The following CRX variants were observed in gnomAD, a reference collection of about 807,000 sequenced individuals.
The protein encoded by CRX is cone-rod homeobox protein.
A neutral mutation model predicts 13.1 loss-of-function variants in CRX; 5 were observed. That is an observed-to-expected ratio of 0.38 (90% CI 0.20 to 0.80). The LOEUF (loss-of-function observed/expected upper bound fraction) is 0.80. Among genes scored for constraint, CRX ranks in the 30% least tolerant of loss-of-function variants. The pLI, the probability that CRX is intolerant of heterozygous loss-of-function variation, is 0.43. For missense variants in CRX, 351 were observed against 391.8 expected, an observed-to-expected ratio of 0.90 and a Z score of 0.88; for synonymous variants, 179 against 171.1, an observed-to-expected ratio of 1.05 and a Z score of -0.36.
intron 1 of CRX, among the ~76,000 whole-genome samples, chr19:47,825,282 A>G (rs1272328416): frequency 6.6e-6 from 1 of 151,702 alleles, no homozygotes; most frequent in Non-Finnish European, 1.5e-5. Flanking sequence ...TTGTTTTGAG[A>G]GAGGATCTTG....
intron 1 of CRX, among the ~76,000 whole-genome samples, chr19:47,831,948 A>G (rs1968052104): frequency 6.6e-6 from 1 of 150,900 alleles, no homozygotes; most frequent in Admixed American, 6.6e-5. Flanking sequence ...CATGTTGGCC[A>G]GGCTGGTCTC....
chr19:47,825,106 T>C lies in CRX; in HGVS notation c.-36+3096T>C, dbSNP rs534538272. Among the ~76,000 whole-genome samples, 6 of 150,088 alleles carry C rather than the reference T, an allele frequency of 4.0e-5. No individual in the cohort carries two copies. The South Asian group carries it at 8.6e-4, about 22-fold the overall frequency. On this transcript the variant is annotated intron_variant, in intron 1 of 3. Transcript: ENST00000221996. The stretch of plus-strand genomic sequence containing the variant: ...CCCGAGTTCAAGAGATTTTTGTACC[T>C]CAGCCTCCCCAGAAGCTGGGACAAC...
rs762135206 is a variant in CRX, at chr19:47,838,726, TTAGA to T, written c.253-592_253-589del. On this transcript the variant is annotated intron_variant, in intron 3 of 3. Transcript: ENST00000221996. ...ATAATTGTATGTGTGCATGTTTGTA[TTAGA>T]TGGGTGGATGAATATGTGTATGATG... 2.2e-4 allele frequency among the ~76,000 whole-genome samples: 33 copies of T among 152,132 alleles called. No homozygotes were observed. In the South Asian group the frequency reaches 6.6e-3, roughly 31 times the overall value.
intron 2 of CRX, among the ~76,000 whole-genome samples, chr19:47,835,619 TG>T (rs1175552949): frequency 1.2e-4 from 14 of 119,720 alleles, no homozygotes; most frequent in Admixed American, 2.6e-4. Flanking sequence ...CTTTAGCTCT[TG>T]TTTTTTTTTT....
At chr19:47,825,203 C>T (rs1020124235) in intron 1 of CRX, among the ~76,000 whole-genome samples, 1 of 151,974 alleles carries the variant, frequency 6.6e-6, no homozygotes, top group Non-Finnish European at 1.5e-5. Context: ...GCCTTGAACT[C>T]CTGACCTCAA....
At position 47,840,840 on chromosome 19, in the gene CRX, A is replaced by G. The variant is rs1015423864; in HGVS notation, c.*873A>G. The G allele has an allele frequency of 6.6e-6, 1 of 150,760 alleles. No individual in the cohort carries two copies. Among genetic ancestry groups the G allele is most frequent in the Middle Eastern group, 3.5e-3 (1 of 284 alleles). The allele number at this position is 150,760 out of a possible 1,614,324, so 9.3% of individuals were successfully genotyped here. On this transcript the variant is annotated 3_prime_UTR_variant, in exon 4 of 4. Transcript: ENST00000221996. The stretch of plus-strand genomic sequence containing the variant: ...GCGTTGCTCCTGCCTCAATCTCCCA[A>G]TTAGCTGGGATTACAGGTGTGCTCC...
intron 1 of CRX, among the ~76,000 whole-genome samples, chr19:47,828,184 G>T (rs2123732491): frequency 6.6e-6 from 1 of 151,882 alleles, no homozygotes; most frequent in African/African-American, 2.4e-5. Context: ...TTCCTTGTTT[G>T]TTATTGGTTT....
chr19:47,829,657 T>A (rs62128761), intron 1 of CRX, among the ~76,000 whole-genome samples: 16,982 of 151,850 alleles, frequency 0.11, 1,297 homozygotes, highest in Non-Finnish European at 0.16. Context: ...TGAGACAAGG[T>A]CTTCCTCTAT....
At chr19:47,835,430 G>A (rs536529620) in intron 2 of CRX, among the ~76,000 whole-genome samples, 1 of 151,342 alleles carries the variant, frequency 6.6e-6, no homozygotes, top group East Asian at 2.0e-4. Flanking sequence ...TCCTGCCCAG[G>A]CTGGAGTGCA....
chr19:47,834,279 G>A, intron 1 of CRX, 130 bp from the exon 2 acceptor site: 2 of 680,742 alleles, frequency 2.9e-6, no homozygotes, highest in Non-Finnish European at 5.4e-6. Flanking sequence ...CAGAGGTACA[G>A]AGAGGTGAGA....
rs762951744 is a variant in CRX at position 47,836,406 on chromosome 19, G to A, written c.252+12G>A. The A allele has an allele frequency of 1.9e-6, 3 of 1,614,182 alleles. No homozygotes were observed. The highest frequency in any genetic ancestry group is 2.5e-6 in the Non-Finnish European group (3 of 1,180,026). On this transcript the variant is annotated intron_variant, in intron 3 of 3. Coordinates refer to ENST00000221996, the MANE Select transcript of CRX (RefSeq NM_000554.6). ...AGTCCAGGGTTCAGGTGGGGTGGTG[G>A]GTCCCTGGACCCCTCCCGACACTTC...
chr19:47,826,925 G>C (rs1967981007), intron 1 of CRX, among the ~76,000 whole-genome samples: 1 of 152,102 alleles, frequency 6.6e-6, no homozygotes, highest in Admixed American at 6.5e-5. Flanking sequence ...TAACCTCCAT[G>C]GTAGCTTACT....
intron 1 of CRX, among the ~76,000 whole-genome samples, chr19:47,828,007 A>T (rs1374621451): frequency 6.6e-6 from 1 of 151,358 alleles, no homozygotes; most frequent in Non-Finnish European, 1.5e-5. Context: ...TACAAAAATT[A>T]GCCAGGTATG....
chr19:47,832,571 C>T (rs1035779023), intron 1 of CRX, among the ~76,000 whole-genome samples: 34 of 147,990 alleles, frequency 2.3e-4, no homozygotes, highest in Middle Eastern at 3.6e-3. Context: ...CTACAGCCTC[C>T]GCCTCCCAGG....
rs1437021651 is a variant in CRX, at chr19:47,836,269, C to A, written c.127C>A (p.Arg43Ser). 6.2e-7 allele frequency: 1 copy of A among 1,614,146 alleles called. No homozygotes were observed. The highest frequency in any genetic ancestry group is 8.5e-7 in the Non-Finnish European group (1 of 1,180,026). Residue 43 changes from arginine to serine, a missense_variant, in exon 3 of 4, where the codon CGC becomes AGC. Coordinates refer to ENST00000221996, the MANE Select transcript of CRX (RefSeq NM_000554.6). ...CGCCCCCAGGAAGCAGCGGCGGGAG[C>A]GCACCACCTTCACCCGGAGCCAACT... ...PSAPRKQRRE[R>S]TTFTRSQLEE...
chr19:47,830,132 C>T (rs1375887869), intron 1 of CRX, among the ~76,000 whole-genome samples: 1 of 129,344 alleles, frequency 7.7e-6, no homozygotes, highest in South Asian at 2.6e-4. Context: ...TGTCAAAGTG[C>T]AATTAAATGG....
chr19:47,831,773 G>A (rs1011411455), intron 1 of CRX, among the ~76,000 whole-genome samples: 7 of 151,964 alleles, frequency 4.6e-5, no homozygotes, highest in Non-Finnish European at 8.8e-5. Flanking sequence ...ATGAAGTCTT[G>A]CTCTTGTCTC....
intron 1 of CRX, among the ~76,000 whole-genome samples, chr19:47,824,257 C>T (rs1304161330): frequency 6.6e-6 from 1 of 152,180 alleles, no homozygotes; most frequent in Admixed American, 6.5e-5. Flanking sequence ...ATTGACGAAA[C>T]CTCTTTCAGC....
In CRX at chr19:47,840,112, C is replaced by T. The variant is rs1968176980; in HGVS notation, c.*145C>T. 1.1e-6 allele frequency: 1 copy of T among 879,298 alleles called. No homozygotes were observed. The highest frequency in any genetic ancestry group is 2.6e-5 in the East Asian group (1 of 37,992). The allele number at this position is 879,298 out of a possible 1,614,324, so 54.5% of individuals were successfully genotyped here. A position where few individuals can be genotyped will look rare whatever the true frequency, so the allele number is the denominator to read the frequency against. ...TTCTGACAGCTCGGTGTTCAGCTTA[C>T]AGAGACCACCCCTTTCCTCCACAGG... is the stretch of plus-strand genomic sequence containing the variant. On this transcript the variant is annotated 3_prime_UTR_variant, in exon 4 of 4. Coordinates refer to ENST00000221996, the MANE Select transcript of CRX (RefSeq NM_000554.6).
Sources: gnomAD v4.1 joint callset for allele counts (sites outside exome capture counted in the v4.1 genomes callset) on GRCh38, gnomAD v4.1.1 for gene constraint, MANE v1.5 for transcripts, NCBI Gene and HGNC (gene_info 2026-07-23, HGNC 2026-07-21) for gene names.